Variants in DSCAM observed in about 807,000 individuals in gnomAD.
DSCAM encodes the protein cell adhesion molecule DSCAM.
Under a neutral mutation model 217.7 loss-of-function variants are expected in DSCAM, and 47 were observed. The observed-to-expected ratio is 0.22, with a 90% CI of 0.17 to 0.28. The LOEUF (loss-of-function observed/expected upper bound fraction) is 0.28, where lower values mean the gene tolerates loss of function less well. DSCAM is among the 10% of genes least tolerant of loss of function. DSCAM has a pLI of 1.00. For synonymous variants in DSCAM, 1,056 were observed against 1,015.3 expected (o/e 1.04, Z -0.76); for missense variants, 2,080 against 2,618.3 (o/e 0.79, Z 4.49).
chr21:40,036,044 A>G (rs1230762329), intron 32 of DSCAM, among the ~76,000 whole-genome samples: 1 of 129,914 alleles, frequency 7.7e-6, no homozygotes, highest in Non-Finnish European at 1.7e-5. Flanking sequence ...ATAGCACTAA[A>G]TGCCCACAAG....
chr21:40,231,016 T>C (rs2091376863), intron 11 of DSCAM, among the ~76,000 whole-genome samples: 1 of 151,918 alleles, frequency 6.6e-6, no homozygotes, highest in Non-Finnish European at 1.5e-5. Flanking sequence ...TATGCTTTTT[T>C]TTTTTTTTCA....
chr21:40,695,999 G>A (rs904739773), intron 2 of DSCAM, among the ~76,000 whole-genome samples: 3 of 152,084 alleles, frequency 2.0e-5, no homozygotes, highest in Non-Finnish European at 4.4e-5. Flanking sequence ...AGACAGGGGT[G>A]CAGCCTTGAT....
intron 3 of DSCAM, among the ~76,000 whole-genome samples, chr21:40,658,431 A>C (rs965410086): frequency 6.6e-6 from 1 of 152,220 alleles, no homozygotes; most frequent in Non-Finnish European, 1.5e-5. Context: ...TTTGCACTTC[A>C]TAAGAGTAAA....
At chr21:40,272,662 T>C (rs2073634845) in intron 11 of DSCAM, among the ~76,000 whole-genome samples, 1 of 152,216 alleles carries the variant, frequency 6.6e-6, no homozygotes. Flanking sequence ...CTTTAAATTA[T>C]GTTTACAGCC....
At chr21:40,766,729 G>C (rs1407260805) in intron 1 of DSCAM, among the ~76,000 whole-genome samples, 1 of 99,714 alleles carries the variant, frequency 1.0e-5, no homozygotes, top group Non-Finnish European at 1.9e-5. Flanking sequence ...TCTTTCTGTT[G>C]TTCAGTCTGG....
chr21:40,594,408 C>A (rs967617413), intron 3 of DSCAM, among the ~76,000 whole-genome samples: 2 of 152,162 alleles, frequency 1.3e-5, no homozygotes, highest in African/African-American at 4.8e-5. Context: ...GGGCAGTAAT[C>A]CTGGCCTGTC....
At chr21:40,307,223 A>G (rs112717299) in intron 9 of DSCAM, among the ~76,000 whole-genome samples, 1 of 145,946 alleles carries the variant, frequency 6.9e-6, no homozygotes, top group African/African-American at 2.8e-5. Context: ...CAATGAACTC[A>G]AACAAATTTA....
rs920526316 is a variant in DSCAM, at chr21:40,148,019, G to A, written c.3019-3288C>T. ...GTTTCAATTGGCTGTTAATGAGATA[G>A]GGCTTTTTTGATTATTATTCTTCCA... On this transcript the variant is annotated intron_variant, in intron 16 of 32. Coordinates refer to ENST00000400454, the MANE Select transcript of DSCAM (RefSeq NM_001389.5). Among the ~76,000 whole-genome samples, 22 of 152,126 alleles carry A rather than the reference G, an allele frequency of 1.4e-4. No individual in the cohort carries two copies. The South Asian group carries it at 1.5e-3, about 10-fold the overall frequency.
At chr21:40,518,803 A>G (rs2076336504) in intron 3 of DSCAM, among the ~76,000 whole-genome samples, 1 of 151,284 alleles carries the variant, frequency 6.6e-6, no homozygotes, top group Non-Finnish European at 1.5e-5. Context: ...ACAGTGGGAT[A>G]TGTTCTGATA....
chr21:40,298,687 A>C, intron 9 of DSCAM, among the ~76,000 whole-genome samples: 1 of 152,068 alleles, frequency 6.6e-6, no homozygotes, highest in East Asian at 1.9e-4. Context: ...TGCCAAAATT[A>C]TTCTCTGCAG....
chr21:40,592,656 G>A (rs1301964152), intron 3 of DSCAM, among the ~76,000 whole-genome samples: 2 of 152,092 alleles, frequency 1.3e-5, no homozygotes, highest in Non-Finnish European at 2.9e-5. Context: ...TTCAAGTCTT[G>A]ACTTAGATGT....
intron 11 of DSCAM, among the ~76,000 whole-genome samples, chr21:40,230,320 GCT>G (rs759569362): frequency 3.0e-4 from 46 of 152,102 alleles, no homozygotes; most frequent in Non-Finnish European, 5.0e-4. Context: ...TGAACATTGT[GCT>G]CTGTTTTTGT....
rs531783727 is a variant in DSCAM, at chr21:40,548,513, A to AT, written c.508+144296_508+144297insA. ...CTGAAAATAAACCAGTAAAAAAAAA[A>AT]ATATATATATGTACAATATAAAATA... On this transcript the variant is annotated intron_variant, in intron 3 of 32. Transcript: ENST00000400454. Among the ~76,000 whole-genome samples the AT allele has an allele frequency of 6.2e-3, 937 of 150,400 alleles. 7 individuals are homozygous for AT. Among genetic ancestry groups the AT allele is most frequent in the East Asian group, 0.047 (242 of 5,104 alleles).
intron 3 of DSCAM, among the ~76,000 whole-genome samples, chr21:40,431,228 G>A (rs1425365372): frequency 6.6e-6 from 1 of 152,196 alleles, no homozygotes; most frequent in Non-Finnish European, 1.5e-5. Context: ...AACAACCCAA[G>A]TTTCTGCAGT....
intron 11 of DSCAM, among the ~76,000 whole-genome samples, chr21:40,210,143 T>A (rs1229985244): frequency 6.6e-6 from 1 of 152,188 alleles, no homozygotes; most frequent in Non-Finnish European, 1.5e-5. Flanking sequence ...TTTCCAGGTA[T>A]GACTGGCTGG....
rs553228589 is a variant in DSCAM, at chr21:40,352,940, A to G, written c.934+525T>C. The stretch of plus-strand genomic sequence containing the variant: ...AATAAATCCATTATATTTGGAGTAG[A>G]TGATCTATAATACTAGGCACAAGTC... On this transcript the variant is annotated intron_variant, in intron 5 of 32. Coordinates refer to ENST00000400454, the MANE Select transcript of DSCAM (RefSeq NM_001389.5). Among the ~76,000 whole-genome samples, 268 of 152,324 alleles carry G rather than the reference A, an allele frequency of 1.8e-3. 2 individuals carry two copies. Among genetic ancestry groups the G allele is most frequent in the African/African-American group, 4.9e-3 (205 of 41,574 alleles).
chr21:40,190,802 A>C (rs1178117402), intron 11 of DSCAM, among the ~76,000 whole-genome samples: 1 of 152,222 alleles, frequency 6.6e-6, no homozygotes, highest in African/African-American at 2.4e-5. Context: ...TAAAGAACAC[A>C]TGAGAAAACT....
rs185242789 is a variant in DSCAM at position 40,766,324 on chromosome 21, T to C, written c.44-57553A>G. Among the ~76,000 whole-genome samples the C allele has an allele frequency of 7.0e-3, 1,069 of 151,660 alleles. 11 individuals are homozygous for C. The highest frequency in any genetic ancestry group is 0.025 in the African/African-American group (1,025 of 41,260). ...GCCTTTCAATTTTATATGTATTTGG[T>C]ATGTGTGTATATATATATATATTTT... On this transcript the variant is annotated intron_variant, in intron 1 of 32. Transcript: ENST00000400454.
At chr21:40,261,342 A>C (rs959310272) in intron 11 of DSCAM, among the ~76,000 whole-genome samples, 2 of 152,208 alleles carry the variant, frequency 1.3e-5, no homozygotes, top group Non-Finnish European at 2.9e-5. Context: ...GTTTCTGGGC[A>C]AGATTAAAGC....
Sources: allele counts gnomAD v4.1 joint callset (sites outside exome capture counted in the v4.1 genomes callset), GRCh38; gene constraint gnomAD v4.1.1; transcripts MANE v1.5; gene names NCBI Gene and HGNC (gene_info 2026-07-23, HGNC 2026-07-21).